SMAD7: variants seen among roughly 807,000 people sequenced by gnomAD.
SMAD7 encodes the protein SMAD family member 7, also known as MAD (mothers against decapentaplegic, Drosophila) homolog 7.
Under a neutral mutation model 38.7 loss-of-function variants are expected in SMAD7, and 8 were observed. That is an observed-to-expected ratio of 0.21 (90% confidence interval 0.12 to 0.37). SMAD7 has a LOEUF of 0.37. Ranked by LOEUF, SMAD7 falls within the 10% of genes least tolerant of loss-of-function variation. SMAD7 has a pLI of 1.00. For missense variants in SMAD7, 477 were observed against 577.9 expected (o/e 0.83, Z 1.79); for synonymous variants, 327 against 265.1 (o/e 1.23, Z -2.27).
rs549896569 is a variant in SMAD7, at chr18:48,932,532, A to G, written c.742+9949T>C. Among the ~76,000 whole-genome samples, 11 of 152,212 alleles carry G rather than the reference A, an allele frequency of 7.2e-5. No homozygotes were observed. The South Asian group carries it at 2.3e-3, about 32-fold the overall frequency. Reference sequence around the variant, plus strand: ...CTGCTCTGATCAAACCCCCCAGCAAAAGCAGCTCTCCCCGCCTTTTCTTCC... The same window carrying G: ...CTGCTCTGATCAAACCCCCCAGCAAGAGCAGCTCTCCCCGCCTTTTCTTCC... On this transcript the variant is annotated intron_variant, in intron 3 of 3. Transcript: ENST00000262158.
Position 48,921,428 on chromosome 18 carries a change from G to A in SMAD7, c.1225C>T (p.Arg409Cys). 2 of 1,613,306 alleles carry A rather than the reference G, an allele frequency of 1.2e-6. No homozygotes were observed. The highest frequency in any genetic ancestry group is 1.7e-6 in the Non-Finnish European group (2 of 1,179,376). Residue 409 changes from arginine to cysteine, a missense_variant, in exon 4 of 4, where the codon CGC (arginine) becomes TGC (cysteine). Arg to Cys is a radical substitution (Grantham distance 180). This residue lies in a region of SMAD7 where 101 missense variants were observed against 198.5 expected (regional missense o/e 0.51). Coordinates refer to ENST00000262158, the MANE Select transcript of SMAD7 (RefSeq NM_005904.4). This position sits in a 1 kb window ranked among gnomAD's most constrained non-coding sequence, Gnocchi z 6.4. ...FVKGWGQCYT[R>C]QFISSCPCWL... is the part of the protein sequence containing the mutation. ...CACGGGCAGCTGCTGATGAACTGGC[G>A]GGTGTAGCACTGGCCCCAGCCCTTC...
intron 1 of SMAD7, 73 bp downstream of exon 1, chr18:48,949,739 G>T (rs1418670001): frequency 1.1e-5 from 16 of 1,461,364 alleles, no homozygotes; most frequent in Non-Finnish European, 1.5e-5. Flanking sequence ...CTGCACAAAC[G>T]CACTGCCCTA....
In SMAD7 at chr18:48,921,919, C is replaced by T. The variant is rs181317409; in HGVS notation, c.743-9G>A. The T allele has an allele frequency of 3.1e-6, 5 of 1,589,374 alleles. No individual in the cohort carries two copies. The East Asian group carries it at 6.7e-5, about 21-fold the overall frequency. ...CAGAAGAAGTTGGGAATCTAGAAAACACATTGGCAGAGAGGGTTAGTGGGG... is the reference window on the plus strand; with the variant it reads ...CAGAAGAAGTTGGGAATCTAGAAAATACATTGGCAGAGAGGGTTAGTGGGG... On this transcript the variant is annotated splice_polypyrimidine_tract_variant and intron_variant, in intron 3 of 3. Transcript: ENST00000262158. This position sits in a 1 kb window ranked among gnomAD's most constrained non-coding sequence, Gnocchi z 6.4.
Position 48,948,428 on chromosome 18 carries a change from G to C in SMAD7, c.623C>G (p.Pro208Arg). The stretch of plus-strand genomic sequence containing the variant: ...CATCGGGTATCTGGAGTAAGGAGGG[G>C]GGGGAGACTCTGAAATTAAAAAAGC... ...LSRLCELESPPPPYSRYPMDF... is the reference protein window; with the variant it reads ...LSRLCELESPRPPYSRYPMDF... The change falls in exon 2 of 4, where the codon CCC becomes CGC. Residue 208 changes from proline to arginine, a missense_variant. Around this residue, in one of 2 missense-constraint regions of SMAD7, gnomAD observed 376 missense variants for 379.4 expected, o/e 0.99. Transcript: ENST00000262158. The C allele has an allele frequency of 6.3e-7, 1 of 1,595,408 alleles. No individual in the cohort carries two copies. Among genetic ancestry groups the C allele is most frequent in the Non-Finnish European group, 8.5e-7 (1 of 1,172,658 alleles).
chr18:48,936,766 A>G (rs2878889), intron 3 of SMAD7, among the ~76,000 whole-genome samples: 88,434 of 152,052 alleles, frequency 0.58, 28,573 homozygotes, highest in African/African-American at 0.89. Context: ...AGGAATTATG[A>G]CACAGTAACA....
At chr18:48,927,238 C>G (rs1160422064) in intron 3 of SMAD7, among the ~76,000 whole-genome samples, 1 of 152,154 alleles carries the variant, frequency 6.6e-6, no homozygotes, top group Non-Finnish European at 1.5e-5. Context: ...CCATCTCCAC[C>G]ACCCCATGCT....
intron 3 of SMAD7, among the ~76,000 whole-genome samples, chr18:48,941,812 G>A (rs754942350): frequency 1.4e-4 from 21 of 152,072 alleles, no homozygotes; most frequent in Non-Finnish European, 2.5e-4. Flanking sequence ...TGGCTACCCC[G>A]TGCCTGTCAG....
Position 48,942,765 on chromosome 18 carries a change from G to GGGCAGCCAGTTAATCATTACTC in SMAD7, c.668-232_668-211dup, listed in dbSNP as rs576849975. 7.0e-5 allele frequency: 99 copies of GGGCAGCCAGTTAATCATTACTC among 1,411,922 alleles called. 1 individual carries two copies. The East Asian group carries it at 1.6e-3, about 23-fold the overall frequency. 87.5% of individuals were successfully genotyped at this position (1,411,922 alleles called of 1,614,324 possible). A position where few individuals can be genotyped will look rare whatever the true frequency, so the allele number is the denominator to read the frequency against. The stretch of plus-strand genomic sequence containing the variant: ...GCACCTTGTCACCCGTCTGGGCTCC[G>GGGCAGCCAGTTAATCATTACTC]GGCAGCCAGTTAATCATTACTCGAG... On this transcript the variant is annotated intron_variant, in intron 2 of 3. Coordinates refer to ENST00000262158, the MANE Select transcript of SMAD7 (RefSeq NM_005904.4).
rs1157663600 is a variant in SMAD7, at chr18:48,950,220, C to T, written c.205G>A (p.Ala69Thr). The T allele has an allele frequency of 6.7e-7, 1 of 1,501,342 alleles. No individual in the cohort carries two copies. The highest frequency in any genetic ancestry group is 1.2e-5 in the South Asian group (1 of 80,036). 93.0% of individuals were successfully genotyped at this position (1,501,342 alleles called of 1,614,324 possible). Residue 69 changes from alanine (A) to threonine (T), a missense_variant, in exon 1 of 4, where the codon GCC becomes ACC. Physicochemically the swap from Ala to Thr is moderately conservative, Grantham distance 58. This residue lies in a region of SMAD7 where 376 missense variants were observed against 379.4 expected (regional missense o/e 0.99). Coordinates refer to ENST00000262158, the MANE Select transcript of SMAD7 (RefSeq NM_005904.4). ...GCCLGKAVRG[A>T]KGHHHPHPPA... ...GGGTGGGGATGGTGGTGACCTTTGG[C>T]ACCTCGCACCGCCTTGCCCAGGCAG...
intron 3 of SMAD7, among the ~76,000 whole-genome samples, chr18:48,937,231 C>T (rs909231112): frequency 1.3e-5 from 2 of 150,928 alleles, no homozygotes; most frequent in Admixed American, 6.6e-5. Flanking sequence ...TACAAGTCTA[C>T]GCAGCTACAG....
At chr18:48,942,934 G>C (rs758653980) in intron 2 of SMAD7, 11 of 273,382 alleles carry the variant, frequency 4.0e-5, no homozygotes, top group East Asian at 1.5e-4. Context: ...AGGGCAGAAG[G>C]CTCTCTCCTT....
intron 3 of SMAD7, among the ~76,000 whole-genome samples, chr18:48,922,286 G>A (rs944630297): frequency 6.6e-6 from 1 of 152,184 alleles, no homozygotes; most frequent in Non-Finnish European, 1.5e-5. Context: ...CAACGTCCTG[G>A]AGTTACAGAT....
intron 3 of SMAD7, among the ~76,000 whole-genome samples, chr18:48,925,938 G>A (rs1324601850): frequency 1.3e-5 from 2 of 152,168 alleles, no homozygotes; most frequent in Non-Finnish European, 2.9e-5. Flanking sequence ...AGTAGAGACA[G>A]GGTTTCACCG....
At chr18:48,946,493 G>A (rs1245244527) in intron 2 of SMAD7, among the ~76,000 whole-genome samples, 7 of 152,022 alleles carry the variant, frequency 4.6e-5, no homozygotes, top group Admixed American at 1.3e-4. Context: ...AATTCCCTTC[G>A]TGGGGGCTTT....
chr18:48,946,985 CA>C (rs953661589), intron 2 of SMAD7, among the ~76,000 whole-genome samples: 2 of 150,950 alleles, frequency 1.3e-5, no homozygotes, highest in East Asian at 1.9e-4. Flanking sequence ...TATGGAAGGA[CA>C]AAAAAAACAG....
rs3082710 is a variant in SMAD7 at position 48,929,569 on chromosome 18, T to TCTCTCTCACACACACACACA, written c.743-7660_743-7659insTGTGTGTGTGTGTGAGAGAG. ...CTCTCTTTCTCTCTCTCTCTCTCTC[T>TCTCTCTCACACACACACACA]CACTCACACACACACACACACACAC... On this transcript the variant is annotated intron_variant, in intron 3 of 3. Coordinates refer to ENST00000262158, the MANE Select transcript of SMAD7 (RefSeq NM_005904.4). Among the ~76,000 whole-genome samples, 243 of 114,594 alleles carry TCTCTCTCACACACACACACA rather than the reference T, an allele frequency of 2.1e-3. 4 individuals carry two copies. The East Asian group carries it at 0.028, about 13-fold the overall frequency. 75.2% of individuals were successfully genotyped at this position (114,594 alleles called of 152,430 possible). A position where few individuals can be genotyped will look rare whatever the true frequency, so the allele number is the denominator to read the frequency against.
rs900414027 is a variant in SMAD7 at position 48,950,562 on chromosome 18, A to AGCG, written c.-141_-139dup. The AGCG allele has an allele frequency of 6.4e-6, 5 of 785,952 alleles. No individual in the cohort carries two copies. The highest frequency in any genetic ancestry group is 9.0e-6 in the Non-Finnish European group (5 of 557,476). The allele number at this position is 785,952 out of a possible 1,614,324, so 48.7% of individuals were successfully genotyped here. A position where few individuals can be genotyped will look rare whatever the true frequency, so the allele number is the denominator to read the frequency against. Reference sequence around the variant, plus strand: ...CAGCAGCAGCAGGGGCCCGGGCAGGAGCGGCGGCGGCCCGAGGGGCGCTCC... The same window carrying AGCG: ...CAGCAGCAGCAGGGGCCCGGGCAGGAGCGGCGGCGGCGGCCCGAGGGGCGCTCC... On this transcript the variant is annotated 5_prime_UTR_variant, in exon 1 of 4. Coordinates refer to ENST00000262158, the MANE Select transcript of SMAD7 (RefSeq NM_005904.4).
At chr18:48,930,958 A>G (rs1195579894) in intron 3 of SMAD7, among the ~76,000 whole-genome samples, 1 of 152,234 alleles carries the variant, frequency 6.6e-6, no homozygotes, top group African/African-American at 2.4e-5. Flanking sequence ...TGGAATATTC[A>G]TACAATAAAA....
intron 3 of SMAD7, among the ~76,000 whole-genome samples, chr18:48,937,755 A>T (rs1405918450): frequency 2.0e-5 from 3 of 152,188 alleles, no homozygotes; most frequent in Non-Finnish European, 4.4e-5. Context: ...AGTGGCCTGC[A>T]GGGTACTAAG....
Sources: allele counts gnomAD v4.1 joint callset (sites outside exome capture counted in the v4.1 genomes callset), GRCh38; gene constraint gnomAD v4.1.1; regional missense constraint gnomAD v4.1.1; non-coding constraint Gnocchi (gnomAD v3.1); transcripts MANE v1.5; gene names NCBI Gene and HGNC (gene_info 2026-07-23, HGNC 2026-07-21).